The following DCC variants were observed in gnomAD, a reference collection of about 807,000 sequenced individuals.
DCC encodes the protein netrin receptor DCC.
A neutral mutation model predicts 172.5 loss-of-function variants in DCC; 58 were observed. The observed-to-expected ratio is 0.34, with a 90% CI of 0.27 to 0.42. DCC has a LOEUF of 0.42. Ranked by LOEUF, DCC falls within the 10% of genes least tolerant of loss-of-function variation. The pLI is 1.00. For synonymous variants in DCC, 709 were observed against 644.5 expected, an observed-to-expected ratio of 1.10 and a Z score of -1.52; for missense variants, 1,740 against 1,791.0, an observed-to-expected ratio of 0.97 and a Z score of 0.51.
intron 1 of DCC, among the ~76,000 whole-genome samples, chr18:52,643,020 T>G (rs1042731337): frequency 2.6e-5 from 4 of 152,204 alleles, no homozygotes; most frequent in African/African-American, 9.7e-5. Flanking sequence ...GATTGTTCAG[T>G]CAGAAATTGA....
At chr18:52,429,455 A>G (rs976220634) in intron 1 of DCC, among the ~76,000 whole-genome samples, 18 of 152,154 alleles carry the variant, frequency 1.2e-4, no homozygotes, top group African/African-American at 2.2e-4. Flanking sequence ...TGTTAGAGTG[A>G]TAAGAGCATA....
At chr18:53,061,424 G>C (rs752472714) in intron 5 of DCC, among the ~76,000 whole-genome samples, 1 of 152,002 alleles carries the variant, frequency 6.6e-6, no homozygotes, top group African/African-American at 2.4e-5. Context: ...AAGTTCTAAT[G>C]GATGTGACCC....
At chr18:52,685,670 G>C (rs1599017745) in intron 1 of DCC, among the ~76,000 whole-genome samples, 1 of 152,062 alleles carries the variant, frequency 6.6e-6, no homozygotes, top group East Asian at 1.9e-4. Context: ...TAGCATAATA[G>C]TGTTTGTTTT....
At chr18:52,929,254 A>G (rs938352937) in intron 5 of DCC, among the ~76,000 whole-genome samples, 2 of 152,174 alleles carry the variant, frequency 1.3e-5, no homozygotes, top group Non-Finnish European at 2.9e-5. Flanking sequence ...GGGGGGATCC[A>G]GATCCAAATC....
intron 5 of DCC, among the ~76,000 whole-genome samples, chr18:52,960,573 A>T (rs1255100921): frequency 6.6e-6 from 1 of 152,154 alleles, no homozygotes; most frequent in Non-Finnish European, 1.5e-5. Flanking sequence ...GTGACTCCAA[A>T]ATCAAGATGA....
intron 1 of DCC, among the ~76,000 whole-genome samples, chr18:52,473,480 A>G (rs1205033988): frequency 1.3e-5 from 2 of 152,216 alleles, no homozygotes; most frequent in African/African-American, 2.4e-5. Context: ...TACAAAGGAA[A>G]GAGGTTTAAT....
In DCC at chr18:53,397,384, T is replaced by A; in HGVS notation, c.2765T>A (p.Val922Glu). ...PNTMYEFSVM[V>E]TKNRRSSTWS... Reference sequence around the variant, plus strand: ...ACAATGTATGAATTCTCGGTCATGGTAACAAAAAACAGAAGGTCCAGTACT... The same window carrying A: ...ACAATGTATGAATTCTCGGTCATGGAAACAAAAAACAGAAGGTCCAGTACT... Residue 922 changes from valine to glutamate, a missense_variant, in exon 18 of 29, where the codon GTA becomes GAA. Coordinates refer to ENST00000442544, the MANE Select transcript of DCC (RefSeq NM_005215.4). 1.2e-6 allele frequency: 2 copies of A among 1,613,938 alleles called. No individual in the cohort carries two copies. Among genetic ancestry groups the A allele is most frequent in the Non-Finnish European group, 1.7e-6 (2 of 1,179,920 alleles).
intron 2 of DCC, among the ~76,000 whole-genome samples, chr18:52,846,616 C>CACACAG (rs1351088013): frequency 1.8e-5 from 2 of 111,420 alleles, no homozygotes; most frequent in Non-Finnish European, 4.1e-5. Context: ...CAAACACACA[C>CACACAG]ACACACACAC....
chr18:52,702,246 A>G (rs1186943917), intron 1 of DCC, among the ~76,000 whole-genome samples: 2 of 152,122 alleles, frequency 1.3e-5, no homozygotes, highest in Non-Finnish European at 2.9e-5. Context: ...TATCCACAGC[A>G]TAACACCCTC....
Position 52,699,640 on chromosome 18 carries a change from T to C in DCC, c.92-52414T>C, listed in dbSNP as rs955067957. On this transcript the variant is annotated intron_variant, in intron 1 of 28. Coordinates refer to ENST00000442544, the MANE Select transcript of DCC (RefSeq NM_005215.4). ...TTGATCAGACCCAATGTCCATGGCA[T>C]GGATAATTGCATTTGGTGGTAAGAA... Among the ~76,000 whole-genome samples the C allele has an allele frequency of 1.1e-4, 17 of 152,210 alleles. 1 individual carries two copies. The highest frequency in any genetic ancestry group is 4.1e-4 in the African/African-American group (17 of 41,458).
chr18:52,431,380 G>T (rs1179710850), intron 1 of DCC, among the ~76,000 whole-genome samples: 1 of 152,106 alleles, frequency 6.6e-6, no homozygotes, highest in Non-Finnish European at 1.5e-5. Context: ...ATAAGTGAAT[G>T]AACATTCCTT....
chr18:53,300,849 AG>A (rs2057125662), intron 12 of DCC, among the ~76,000 whole-genome samples: 1 of 152,072 alleles, frequency 6.6e-6, no homozygotes, highest in South Asian at 2.1e-4. Context: ...ATCTGGAAGA[AG>A]GAGGTTGGAT....
At chr18:53,358,590 G>A (rs766177285) in intron 15 of DCC, among the ~76,000 whole-genome samples, 19 of 127,276 alleles carry the variant, frequency 1.5e-4, no homozygotes, top group South Asian at 2.4e-4. Flanking sequence ...GCATGGTCTC[G>A]GCTCACTGCA....
At chr18:52,877,993 C>A (rs2039427472) in intron 2 of DCC, among the ~76,000 whole-genome samples, 1 of 151,964 alleles carries the variant, frequency 6.6e-6, no homozygotes, top group Admixed American at 6.6e-5. Context: ...AAACATATTT[C>A]CTGTGTGTCT....
intron 5 of DCC, among the ~76,000 whole-genome samples, chr18:53,012,542 G>T (rs949450256): frequency 6.6e-5 from 10 of 152,170 alleles, no homozygotes; most frequent in Admixed American, 2.6e-4. Flanking sequence ...GGGCACAAAA[G>T]TTTAGCAGAG....
rs1480716318 is a variant in DCC, at chr18:52,927,070, CATATATGTGTATATACACGT to C, written c.985+1706_985+1725del. 1.4e-4 allele frequency among the ~76,000 whole-genome samples: 10 copies of C among 72,496 alleles called. 2 individuals carry two copies. Among genetic ancestry groups the C allele is most frequent in the African/African-American group, 3.8e-4 (8 of 21,062 alleles). The allele number at this position is 72,496 out of a possible 152,430, so 47.6% of individuals were successfully genotyped here. A position where few individuals can be genotyped will look rare whatever the true frequency, so the allele number is the denominator to read the frequency against. On this transcript the variant is annotated intron_variant, in intron 5 of 28. Coordinates refer to ENST00000442544, the MANE Select transcript of DCC (RefSeq NM_005215.4). The stretch of plus-strand genomic sequence containing the variant: ...ACATATATATACACATATATACACA[CATATATGTGTATATACACGT>C]ATATACGTGTATATACACGTATATA...
intron 7 of DCC, among the ~76,000 whole-genome samples, chr18:53,124,488 A>AAT (rs1381323095): frequency 1.3e-5 from 2 of 152,048 alleles, no homozygotes; most frequent in African/African-American, 4.8e-5. Context: ...AGGACTGGAA[A>AAT]ATTTGCCCCC....
rs573744606 is a variant in DCC, at chr18:52,995,903, CT to C, written c.986-67391del. Among the ~76,000 whole-genome samples the C allele has an allele frequency of 4.3e-3, 635 of 146,680 alleles. 7 individuals are homozygous for C. The highest frequency in any genetic ancestry group is 0.013 in the African/African-American group (512 of 40,142). On this transcript the variant is annotated intron_variant, in intron 5 of 28. Transcript: ENST00000442544. ...CCCAGCTTTTTGTTTCTGTCTCCTGCTTTTTTTTTTTCCCAGTGAAGTTGCA... is the reference window on the plus strand; with the variant it reads ...CCCAGCTTTTTGTTTCTGTCTCCTGCTTTTTTTTTTCCCAGTGAAGTTGCA...
chr18:52,593,465 C>T (rs59780080), intron 1 of DCC, among the ~76,000 whole-genome samples: 12,090 of 152,196 alleles, frequency 0.079, 514 homozygotes, highest in Middle Eastern at 0.1. Context: ...AAACAATTAA[C>T]AGTTCATTTA....
Sources: allele counts gnomAD v4.1 joint callset (sites outside exome capture counted in the v4.1 genomes callset), GRCh38; gene constraint gnomAD v4.1.1; transcripts MANE v1.5; gene names NCBI Gene and HGNC (gene_info 2026-07-23, HGNC 2026-07-21).